DNASE1: variants seen among roughly 807,000 people sequenced by gnomAD.
DNASE1 encodes deoxyribonuclease 1, also known as deoxyribonuclease-1.
A neutral mutation model predicts 33.9 loss-of-function variants in DNASE1; 40 were observed. That is an observed-to-expected ratio of 1.18 (90% CI 0.92 to 1.54). DNASE1 has a LOEUF of 1.54. Ranked by LOEUF, DNASE1 falls within the 40% of genes most tolerant of loss-of-function variation. The pLI, the probability that DNASE1 is intolerant of heterozygous loss-of-function variation, is 0.00. For missense variants in DNASE1, 518 were observed against 372.6 expected (o/e 1.39, Z -3.21); for synonymous variants, 216 against 160.0 (o/e 1.35, Z -2.64).
At chr16:3,630,603 C>CT (rs1054968943) in intron 1 of DNASE1, among the ~76,000 whole-genome samples, 8 of 151,790 alleles carry the variant, frequency 5.3e-5, no homozygotes, top group African/African-American at 9.7e-5. Context: ...CTTTTTTAAT[C>CT]TTTTTTTTAA....
intron 1 of DNASE1, among the ~76,000 whole-genome samples, chr16:3,628,880 A>C (rs2041609170): frequency 6.9e-6 from 1 of 145,150 alleles, no homozygotes; most frequent in Non-Finnish European, 1.5e-5. Context: ...TTTTTCTTTA[A>C]AAACTTTTAG....
At chr16:3,657,401 A>G (rs1596658635) in intron 7 of DNASE1, 60 bp downstream of exon 7, 36 of 1,595,758 alleles carry the variant, frequency 2.3e-5, no homozygotes, top group African/African-American at 1.7e-4. Context: ...GCCGTGACTC[A>G]TAGGTCGGGC....
intron 1 of DNASE1, among the ~76,000 whole-genome samples, chr16:3,636,514 A>G (rs1465725889): frequency 6.6e-6 from 1 of 152,086 alleles, no homozygotes; most frequent in African/African-American, 2.4e-5. Context: ...ACCGGACTTG[A>G]TGTACTTGTT....
At chr16:3,659,784 C>G (rs928273712), downstream of DNASE1, 1 of 150,530 alleles carries the variant, frequency 6.6e-6, no homozygotes, top group Non-Finnish European at 1.5e-5. Context: ...TAGATAGACT[C>G]TCACTCCTTC....
intron 1 of DNASE1, among the ~76,000 whole-genome samples, chr16:3,613,319 G>A (rs1026882841): frequency 1.2e-4 from 19 of 152,270 alleles, no homozygotes; most frequent in African/African-American, 4.6e-4. Flanking sequence ...CCTTTTCATG[G>A]CTGCATAATC....
intron 1 of DNASE1, among the ~76,000 whole-genome samples, chr16:3,628,760 C>T (rs2041604149): frequency 1.3e-5 from 2 of 149,418 alleles, no homozygotes; most frequent in Admixed American, 6.6e-5. Flanking sequence ...GGGGTTTCAC[C>T]GTGTTAGCCA....
chr16:3,661,889 C>T (rs141149147), downstream of DNASE1: 43 of 1,426,810 alleles, frequency 3.0e-5, no homozygotes, highest in Middle Eastern at 7.3e-4. Context: ...ACAGGCCTCA[C>T]GCACTTTTCT....
At chr16:3,658,812 G>A, downstream of DNASE1, 1 of 1,613,810 alleles carries the variant, frequency 6.2e-7, no homozygotes, top group Non-Finnish European at 8.5e-7. Flanking sequence ...CAGCAGCTGA[G>A]CCAGGCCAGG....
intron 1 of DNASE1, among the ~76,000 whole-genome samples, chr16:3,616,709 C>G (rs566528332): frequency 3.3e-5 from 5 of 152,244 alleles, no homozygotes; most frequent in South Asian, 2.1e-4. Context: ...CCACTTTGTT[C>G]TTTTTCAAGA....
chr16:3,649,247 TG>T (rs766089380), intron 1 of DNASE1, among the ~76,000 whole-genome samples: 1 of 152,214 alleles, frequency 6.6e-6, no homozygotes, highest in Non-Finnish European at 1.5e-5. Context: ...TCCTTCCTCG[TG>T]TATTAGCTGG....
chr16:3,662,303 G>T, downstream of DNASE1: 3 of 784,308 alleles, frequency 3.8e-6, no homozygotes, highest in Non-Finnish European at 4.0e-6. Context: ...TGTGGGCCCT[G>T]AGCTGATGCC....
At chr16:3,613,132 C>T (rs1312883722) in intron 1 of DNASE1, among the ~76,000 whole-genome samples, 1 of 152,154 alleles carries the variant, frequency 6.6e-6, no homozygotes. Flanking sequence ...CGTAGTCACT[C>T]CGCAATTCCC....
rs1233463576 is a variant in DNASE1 at position 3,657,069 on chromosome 16, C to G, written c.507C>G (p.Leu169=). Residue 169 remains leucine, a synonymous_variant, in exon 6 of 9, where the codon CTC becomes CTG. Coordinates refer to ENST00000246949, the MANE Select transcript of DNASE1 (RefSeq NM_005223.4). ...ACGCAGTAGCCGAGATCGACGCTCTCTATGACGTCTACCTGGATGTCCAAG... is the reference window on the plus strand; with the variant it reads ...ACGCAGTAGCCGAGATCGACGCTCTGTATGACGTCTACCTGGATGTCCAAG... The part of the protein sequence containing the change: ...PGDAVAEIDA[L]YDVYLDVQEK... 3.7e-6 allele frequency: 6 copies of G among 1,614,064 alleles called. No homozygotes were observed. The highest frequency in any genetic ancestry group is 2.2e-5 in the South Asian group (2 of 91,080).
chr16:3,625,604 C>A (rs955457982), intron 1 of DNASE1, among the ~76,000 whole-genome samples: 8 of 151,816 alleles, frequency 5.3e-5, no homozygotes, highest in Non-Finnish European at 1.0e-4. Context: ...GCCTGGGCAA[C>A]AGAGCAAGAC....
upstream of DNASE1, chr16:3,654,323 G>C (rs559355537): frequency 2.5e-6 from 1 of 398,692 alleles, no homozygotes; most frequent in Admixed American, 4.4e-5. Context: ...CACGGCGCTG[G>C]TGCTGCAGGC....
chr16:3,658,273 AC>A (rs2042838544), downstream of DNASE1: 1 of 1,468,514 alleles, frequency 6.8e-7, no homozygotes, highest in African/African-American at 1.5e-5. Flanking sequence ...GGCATGGGGC[AC>A]CTTTTCATTT....
intron 1 of DNASE1, among the ~76,000 whole-genome samples, chr16:3,616,277 C>G (rs2151153233): frequency 6.6e-6 from 1 of 152,266 alleles, no homozygotes; most frequent in Middle Eastern, 3.4e-3. Context: ...TATCAAAATC[C>G]CAACAACGTT....
intron 5 of DNASE1, 97 bp downstream of exon 5, chr16:3,656,850 C>T (rs2042682115): frequency 9.7e-6 from 15 of 1,543,150 alleles, no homozygotes; most frequent in Non-Finnish European, 1.0e-5. Context: ...ACACTGCCCT[C>T]CCAGTCCCTG....
At chr16:3,643,547 G>A (rs1476964998) in intron 1 of DNASE1, among the ~76,000 whole-genome samples, 3 of 152,152 alleles carry the variant, frequency 2.0e-5, no homozygotes, top group Non-Finnish European at 2.9e-5. Context: ...ACCACGGAGC[G>A]GAGTGGGTGA....
Sources: gnomAD v4.1 joint callset for allele counts (sites outside exome capture counted in the v4.1 genomes callset) on GRCh38, gnomAD v4.1.1 for gene constraint, MANE v1.5 for transcripts, NCBI Gene and HGNC (gene_info 2026-07-23, HGNC 2026-07-21) for gene names.